The following TRPM3 variants were observed in gnomAD, a reference collection of about 807,000 sequenced individuals.
The protein encoded by TRPM3 is long transient receptor potential channel 3.
A neutral mutation model predicts 181.2 loss-of-function variants in TRPM3; 77 were observed. That is an observed-to-expected ratio of 0.42 (90% CI 0.35 to 0.51). The LOEUF (loss-of-function observed/expected upper bound fraction) is 0.51, where lower values mean the gene tolerates loss of function less well. TRPM3 is among the 20% of genes least tolerant of loss of function. The pLI is 0.01. For missense variants in TRPM3, 1,759 were observed against 2,196.7 expected (o/e 0.80, Z 3.98); for synonymous variants, 745 against 796.4 (o/e 0.94, Z 1.09).
intron 1 of TRPM3, among the ~76,000 whole-genome samples, chr9:71,345,092 A>G (rs1236123350): frequency 6.6e-6 from 1 of 152,212 alleles, no homozygotes; most frequent in Non-Finnish European, 1.5e-5. Flanking sequence ...AGGAAATAAC[A>G]GATTCTGGAG....
At chr9:70,838,115 C>T (rs1042828975) in intron 5 of TRPM3, among the ~76,000 whole-genome samples, 6 of 152,102 alleles carry the variant, frequency 3.9e-5, no homozygotes, top group Non-Finnish European at 8.8e-5. Flanking sequence ...GATGAAGAAA[C>T]CAAATCTTAC....
chr9:71,398,522 A>C (rs1348242030), intron 1 of TRPM3, among the ~76,000 whole-genome samples: 1 of 152,096 alleles, frequency 6.6e-6, no homozygotes, highest in Non-Finnish European at 1.5e-5. Context: ...TCCTCATGAG[A>C]GTGAATGAGT....
intron 1 of TRPM3, among the ~76,000 whole-genome samples, chr9:71,385,279 T>C (rs935209644): frequency 1.3e-5 from 2 of 152,068 alleles, no homozygotes; most frequent in Non-Finnish European, 2.9e-5. Context: ...AAAATATTTC[T>C]TTCTTTAATA....
chr9:70,894,544 G>A (rs567819782), intron 1 of TRPM3, among the ~76,000 whole-genome samples: 1 of 152,266 alleles, frequency 6.6e-6, no homozygotes, highest in South Asian at 2.1e-4. Flanking sequence ...CACCTACCAT[G>A]TACCAGGCAC....
In TRPM3 at chr9:71,199,443, G is replaced by A. The variant is rs2078628202; in HGVS notation, c.183+247210C>T. On this transcript the variant is annotated intron_variant, in intron 1 of 24. Coordinates refer to the TRPM3 transcript ENST00000357533. Reference sequence around the variant, plus strand: ...CTATGGATTGGAATAGTTTCAGAAGGAATGGTACCAGTTCCTCCTTGTACC... The same window carrying A: ...CTATGGATTGGAATAGTTTCAGAAGAAATGGTACCAGTTCCTCCTTGTACC... Among the ~76,000 whole-genome samples, 3 of 152,284 alleles carry A rather than the reference G, an allele frequency of 2.0e-5. No homozygotes were observed. The South Asian group carries it at 6.2e-4, about 32-fold the overall frequency.
chr9:71,107,954 T>C (rs1348687679), intron 1 of TRPM3, among the ~76,000 whole-genome samples: 1 of 152,206 alleles, frequency 6.6e-6, no homozygotes, highest in African/African-American at 2.4e-5. Flanking sequence ...CCAGAAGAAT[T>C]GACAAAGCTT....
chr9:70,834,312 T>C (rs539201226), intron 5 of TRPM3, among the ~76,000 whole-genome samples: 2 of 152,276 alleles, frequency 1.3e-5, no homozygotes, highest in East Asian at 3.9e-4. Context: ...CAGTCCTCAT[T>C]TCATGCTTTC....
At chr9:70,540,786 G>A (rs889371299) in intron 25 of TRPM3, among the ~76,000 whole-genome samples, 4 of 152,154 alleles carry the variant, frequency 2.6e-5, no homozygotes, top group Non-Finnish European at 5.9e-5. Context: ...GCAGTGGCAC[G>A]ATCATGGTTC....
At chr9:71,203,487 C>T (rs953685110) in intron 1 of TRPM3, among the ~76,000 whole-genome samples, 1 of 152,004 alleles carries the variant, frequency 6.6e-6, no homozygotes, top group South Asian at 2.1e-4. Context: ...TTTGTTTAGC[C>T]AAAAATATGT....
intron 1 of TRPM3, among the ~76,000 whole-genome samples, chr9:70,976,937 T>C (rs1158752365): frequency 3.3e-5 from 5 of 152,180 alleles, no homozygotes; most frequent in Admixed American, 2.0e-4. Context: ...CCTTCGAGTC[T>C]CCATTTCCTC....
chr9:70,877,214 C>T (rs192416361), intron 1 of TRPM3, among the ~76,000 whole-genome samples: 33 of 151,982 alleles, frequency 2.2e-4, no homozygotes, highest in Non-Finnish European at 3.4e-4. Context: ...TGGATCTCAC[C>T]GGCCTTACAT....
chr9:71,002,247 T>G (rs1023723780), intron 1 of TRPM3, among the ~76,000 whole-genome samples: 4 of 152,262 alleles, frequency 2.6e-5, no homozygotes, highest in Non-Finnish European at 4.4e-5. Flanking sequence ...TTGAAATCAC[T>G]TCATCATGGA....
At chr9:71,261,877 C>T (rs1333542136) in intron 1 of TRPM3, among the ~76,000 whole-genome samples, 1 of 152,186 alleles carries the variant, frequency 6.6e-6, no homozygotes, top group Non-Finnish European at 1.5e-5. Context: ...CCTCTGAAAG[C>T]TTCATCCCAG....
intron 1 of TRPM3, among the ~76,000 whole-genome samples, chr9:71,135,270 C>G (rs889050708): frequency 6.6e-6 from 1 of 152,202 alleles, no homozygotes; most frequent in Admixed American, 6.5e-5. Flanking sequence ...ATCCTTCCAT[C>G]TGTCACTTCC....
chr9:70,606,592 G>A (rs1445058578), intron 19 of TRPM3, among the ~76,000 whole-genome samples: 1 of 151,552 alleles, frequency 6.6e-6, no homozygotes, highest in Non-Finnish European at 1.5e-5. Context: ...CATTCATGCA[G>A]CCTTGCTGTA....
chr9:71,300,592 G>GT (rs1238174924), intron 1 of TRPM3, among the ~76,000 whole-genome samples: 1 of 151,994 alleles, frequency 6.6e-6, no homozygotes, highest in Non-Finnish European at 1.5e-5. Context: ...GTGTATGTTT[G>GT]TTTTTAAAGA....
At chr9:71,115,818 G>C (rs1286901541) in intron 1 of TRPM3, among the ~76,000 whole-genome samples, 1 of 152,118 alleles carries the variant, frequency 6.6e-6, no homozygotes, top group Non-Finnish European at 1.5e-5. Context: ...AGAGACAGGA[G>C]GGTTTCTTGT....
chr9:71,324,219 G>A (rs1441047981), intron 1 of TRPM3, among the ~76,000 whole-genome samples: 2 of 151,958 alleles, frequency 1.3e-5, no homozygotes, highest in Admixed American at 6.6e-5. Flanking sequence ...GTTATATATG[G>A]AATAACTAGG....
intron 1 of TRPM3, among the ~76,000 whole-genome samples, chr9:71,010,759 G>A (rs2097727951): frequency 6.6e-6 from 1 of 152,112 alleles, no homozygotes; most frequent in South Asian, 2.1e-4. Flanking sequence ...ATATGATCCA[G>A]CAATCCCATT....
Sources: gnomAD v4.1 joint callset for allele counts (sites outside exome capture counted in the v4.1 genomes callset) on GRCh38, gnomAD v4.1.1 for gene constraint, MANE v1.5 for transcripts, NCBI Gene and HGNC (gene_info 2026-07-23, HGNC 2026-07-21) for gene names.